The following CREB5 variants were observed in gnomAD, a reference collection of about 807,000 sequenced individuals.
CREB5 encodes the protein cyclic AMP-responsive element-binding protein 5.
CREB5 carries 19 observed loss-of-function variants against 57.1 expected under a neutral mutation model. The ratio of observed to expected loss-of-function variants is 0.33; its 90% CI spans 0.23 to 0.49. CREB5 has a LOEUF of 0.49. Ranked by LOEUF, CREB5 falls within the 20% of genes least tolerant of loss-of-function variation. CREB5 has a pLI of 0.99. For synonymous variants in CREB5, 238 were observed against 238.3 expected (o/e 1.00, Z 0.01); for missense variants, 579 against 671.6 (o/e 0.86, Z 1.52).
chr7:28,438,748 A>G (rs549684502), intron 1 of CREB5, among the ~76,000 whole-genome samples: 1 of 152,242 alleles, frequency 6.6e-6, no homozygotes, highest in East Asian at 1.9e-4. Flanking sequence ...GAATCCAGAG[A>G]CCCCCAAGTG....
At chr7:28,634,983 C>T (rs867879735) in intron 5 of CREB5, among the ~76,000 whole-genome samples, 77 of 152,304 alleles carry the variant, frequency 5.1e-4, no homozygotes, top group African/African-American at 1.9e-3. Flanking sequence ...TCTCATATTA[C>T]AAGAAATTTG....
chr7:28,333,560 C>T (rs375169358), intron 1 of CREB5, among the ~76,000 whole-genome samples: 1 of 152,054 alleles, frequency 6.6e-6, no homozygotes, highest in African/African-American at 2.4e-5. Flanking sequence ...CCTTTCCTAG[C>T]CTCTGGTAAC....
intron 5 of CREB5, among the ~76,000 whole-genome samples, chr7:28,689,337 G>A (rs977002697): frequency 7.9e-5 from 12 of 152,006 alleles, no homozygotes; most frequent in East Asian, 5.8e-4. Flanking sequence ...GAGTGATGGC[G>A]GACACCTGTA....
At chr7:28,798,269 A>T (rs755425463) in intron 7 of CREB5, among the ~76,000 whole-genome samples, 4 of 149,736 alleles carry the variant, frequency 2.7e-5, no homozygotes, top group Non-Finnish European at 5.9e-5. Flanking sequence ...AAGCATAAGC[A>T]GTCAGCCTTG....
rs550625424 is a variant in CREB5, at chr7:28,486,812, A to G, written c.4-1363A>G. 2.5e-4 allele frequency among the ~76,000 whole-genome samples: 38 copies of G among 150,808 alleles called. 1 individual carries two copies. Among genetic ancestry groups the G allele is most frequent in the Admixed American group, 1.3e-4 (2 of 15,136 alleles). On this transcript the variant is annotated intron_variant, in intron 1 of 10. Transcript: ENST00000357727. ...TTTTTGCCTAAGGTATGCACCTTAG[A>G]ATTGAACTACAGCAGGGTGTGGTGG...
At position 28,825,245 on chromosome 7, in the gene CREB5, C is replaced by G. The variant is rs779411171; in HGVS notation, c.*5966C>G. ...AGAAAGGACCCTTCCCAACCAGCAG[C>G]CAGTAGAAAATACAACCTACTCACC... On this transcript the variant is annotated 3_prime_UTR_variant, in exon 11 of 11. Coordinates refer to ENST00000357727, the MANE Select transcript of CREB5 (RefSeq NM_182898.4). 1.3e-5 allele frequency: 2 copies of G among 152,450 alleles called. No individual in the cohort carries two copies. The highest frequency in any genetic ancestry group is 2.9e-5 in the Non-Finnish European group (2 of 68,030). The allele number at this position is 152,450 out of a possible 1,614,324, so 9.4% of individuals were successfully genotyped here.
intron 5 of CREB5, among the ~76,000 whole-genome samples, chr7:28,711,533 G>C (rs1469291667): frequency 6.6e-6 from 1 of 152,152 alleles, no homozygotes; most frequent in African/African-American, 2.4e-5. Context: ...GTAATAAGAC[G>C]TCTTTTAAAA....
chr7:28,694,248 A>G (rs748374823), intron 5 of CREB5, among the ~76,000 whole-genome samples: 3 of 152,216 alleles, frequency 2.0e-5, no homozygotes, highest in Non-Finnish European at 4.4e-5. Context: ...CAGCAATTAT[A>G]ATAAACCCAT....
intron 1 of CREB5, among the ~76,000 whole-genome samples, chr7:28,461,050 A>G (rs1047498243): frequency 3.9e-5 from 6 of 151,996 alleles, no homozygotes; most frequent in African/African-American, 1.4e-4. Flanking sequence ...AACAAAAAAA[A>G]ACAAAATGAA....
intron 7 of CREB5, among the ~76,000 whole-genome samples, chr7:28,803,755 CAAAAAAAA>C (rs562078960): frequency 7.5e-5 from 6 of 79,800 alleles, no homozygotes; most frequent in Non-Finnish European, 1.2e-4. Flanking sequence ...GACTCCATCT[CAAAAAAAA>C]AAAAAAAAAA....
At chr7:28,421,972 G>T (rs1226680386) in intron 1 of CREB5, among the ~76,000 whole-genome samples, 1 of 151,482 alleles carries the variant, frequency 6.6e-6, no homozygotes, top group Non-Finnish European at 1.5e-5. Context: ...AAAAAGTCAG[G>T]CAAGAAGCCT....
intron 1 of CREB5, among the ~76,000 whole-genome samples, chr7:28,445,071 A>T (rs1789377183): frequency 6.6e-6 from 1 of 152,186 alleles, no homozygotes; most frequent in African/African-American, 2.4e-5. Context: ...ATAGTGAATA[A>T]GTCTCACGAG....
At chr7:28,795,535 G>A (rs1027561087) in intron 7 of CREB5, among the ~76,000 whole-genome samples, 8 of 152,124 alleles carry the variant, frequency 5.3e-5, no homozygotes, top group African/African-American at 1.7e-4. Flanking sequence ...ATTGACTTTG[G>A]TCATTGTAGG....
At chr7:28,742,064 T>TA (rs58431827) in intron 7 of CREB5, among the ~76,000 whole-genome samples, 7,830 of 111,338 alleles carry the variant, frequency 0.07, 672 homozygotes, top group African/African-American at 0.21. Context: ...AGATTCCCTC[T>TA]AAAAAAAAAA....
intron 1 of CREB5, among the ~76,000 whole-genome samples, chr7:28,479,834 G>A (rs998835645): frequency 6.6e-6 from 1 of 152,152 alleles, no homozygotes; most frequent in Admixed American, 6.5e-5. Context: ...TCCTGGTTTC[G>A]CCGAAAGCAG....
At chr7:28,616,303 T>C (rs1054242051) in intron 5 of CREB5, among the ~76,000 whole-genome samples, 1 of 152,190 alleles carries the variant, frequency 6.6e-6, no homozygotes, top group African/African-American at 2.4e-5. Flanking sequence ...TCTTTAGGGA[T>C]TATGAAATGG....
chr7:28,558,785 A>C (rs529970487), intron 4 of CREB5, among the ~76,000 whole-genome samples: 1 of 152,310 alleles, frequency 6.6e-6, no homozygotes, highest in African/African-American at 2.4e-5. Context: ...CTGGTCATTA[A>C]GTAGGTATGC....
At chr7:28,621,012 A>C (rs1056254195) in intron 5 of CREB5, among the ~76,000 whole-genome samples, 14 of 152,192 alleles carry the variant, frequency 9.2e-5, no homozygotes, top group Non-Finnish European at 1.8e-4. Context: ...CTACTTCCAA[A>C]ATAATTTTAG....
At chr7:28,629,938 A>G (rs1382357205) in intron 5 of CREB5, among the ~76,000 whole-genome samples, 25 of 152,188 alleles carry the variant, frequency 1.6e-4, no homozygotes, top group Non-Finnish European at 1.5e-5. Context: ...ACATTCAGAA[A>G]ACATGGACTC....
Sources: allele counts gnomAD v4.1 joint callset (sites outside exome capture counted in the v4.1 genomes callset), GRCh38; gene constraint gnomAD v4.1.1; transcripts MANE v1.5; gene names NCBI Gene and HGNC (gene_info 2026-07-23, HGNC 2026-07-21).